WDR59: variants seen among roughly 807,000 people sequenced by gnomAD.
The protein encoded by WDR59 is WD repeat domain 59.
WDR59 carries 100 observed loss-of-function variants against 131.2 expected under a neutral mutation model. The ratio of observed to expected loss-of-function variants is 0.76; its 90% CI spans 0.65 to 0.90. WDR59 has a LOEUF of 0.90. Ranked by LOEUF, WDR59 falls within the 40% of genes least tolerant of loss-of-function variation. The probability of loss-of-function intolerance (pLI) is 0.00; values close to 1 mark genes in which losing one functional copy is unlikely to be tolerated. For missense variants in WDR59, 1,203 were observed against 1,262.2 expected (o/e 0.95, Z 0.71); for synonymous variants, 601 against 466.2 (o/e 1.29, Z -3.72).
At chr16:74,963,701 G>C (rs371080190) in intron 2 of WDR59, among the ~76,000 whole-genome samples, 7 of 152,200 alleles carry the variant, frequency 4.6e-5, no homozygotes, top group Admixed American at 1.3e-4. Flanking sequence ...GTTTACCTAC[G>C]TAACAAACCG....
At chr16:74,874,487 T>C (rs1213035715) in intron 25 of WDR59, 43 bp from the exon 26 acceptor site, 7 of 1,581,520 alleles carry the variant, frequency 4.4e-6, no homozygotes, top group Non-Finnish European at 6.1e-6. Flanking sequence ...GCAGCATGAG[T>C]TTAGTTCTGA....
chr16:74,936,467 G>C (rs1000452231), intron 8 of WDR59, among the ~76,000 whole-genome samples: 1 of 152,110 alleles, frequency 6.6e-6, no homozygotes, highest in African/African-American at 2.4e-5. Context: ...GAAAGAGGTA[G>C]AGTTGAACTG....
intron 14 of WDR59, 40 bp from the exon 15 acceptor site, chr16:74,909,957 T>C: frequency 2.0e-6 from 3 of 1,497,610 alleles, no homozygotes; most frequent in Non-Finnish European, 2.7e-6. Flanking sequence ...GAGGAACACA[T>C]TTCTCTGATA....
At chr16:74,927,655 G>A (rs1283121268) in intron 8 of WDR59, among the ~76,000 whole-genome samples, 2 of 139,954 alleles carry the variant, frequency 1.4e-5, no homozygotes, top group African/African-American at 5.2e-5. Flanking sequence ...AAAAACTTCT[G>A]ATGTTTTAGA....
chr16:74,893,941 G>C (rs773647399), intron 18 of WDR59, 129 bp from the exon 19 acceptor site: 13 of 1,037,268 alleles, frequency 1.3e-5, no homozygotes, highest in Non-Finnish European at 1.5e-5. Flanking sequence ...CCACAATTAT[G>C]GGAATCAGCA....
chr16:74,883,590 C>G (rs574668104), intron 25 of WDR59, among the ~76,000 whole-genome samples: 132 of 152,250 alleles, frequency 8.7e-4, no homozygotes, highest in Non-Finnish European at 1.5e-3. Context: ...ATGTTTAGTC[C>G]ACTACATTTG....
rs377465490 is a variant in WDR59, at chr16:74,965,839, A to G, written c.55-17T>C. On this transcript the variant is annotated splice_polypyrimidine_tract_variant and intron_variant, in intron 1 of 25. Transcript: ENST00000262144. Reference sequence around the variant, plus strand: ...CGCAGTTGCCTGAGAGAGAGAACACAGAGTCAGTGCTGCCAGCAAACCCAG... The same window carrying G: ...CGCAGTTGCCTGAGAGAGAGAACACGGAGTCAGTGCTGCCAGCAAACCCAG... The G allele has an allele frequency of 1.1e-5, 17 of 1,613,998 alleles. No homozygotes were observed. The highest frequency in any genetic ancestry group is 1.4e-5 in the Non-Finnish European group (17 of 1,180,026).
At chr16:74,889,039 C>T (rs1212160633) in intron 21 of WDR59, among the ~76,000 whole-genome samples, 1 of 152,164 alleles carries the variant, frequency 6.6e-6, no homozygotes, top group East Asian at 1.9e-4. Context: ...GTAGAGTAAA[C>T]CTTATCATCC....
rs116216820 is a variant in WDR59 at position 74,886,551 on chromosome 16, C to A, written c.2420-155G>T. 1.2e-5 allele frequency: 13 copies of A among 1,043,306 alleles called. No homozygotes were observed. The South Asian group carries it at 2.3e-4, about 19-fold the overall frequency. 64.6% of individuals were successfully genotyped at this position (1,043,306 alleles called of 1,614,324 possible). ...GAGAAATATAACTAAATAGAACTCT[C>A]TCCTACCCTTGCCTTTTTGCGCAGG... is the stretch of plus-strand genomic sequence containing the variant. On this transcript the variant is annotated intron_variant, in intron 23 of 25. Coordinates refer to ENST00000262144, the MANE Select transcript of WDR59 (RefSeq NM_030581.4).
intron 6 of WDR59, among the ~76,000 whole-genome samples, chr16:74,945,917 A>G (rs2032600829): frequency 6.6e-6 from 1 of 151,218 alleles, no homozygotes; most frequent in African/African-American, 2.4e-5. Flanking sequence ...TCCCAGGTTC[A>G]AGCAATTCTC....
At chr16:74,931,989 A>G (rs940744296) in intron 8 of WDR59, among the ~76,000 whole-genome samples, 2 of 151,926 alleles carry the variant, frequency 1.3e-5, no homozygotes, top group African/African-American at 4.8e-5. Flanking sequence ...ATCAACTTAA[A>G]TTATAATTTC....
At chr16:74,877,887 T>C (rs1369275819) in intron 25 of WDR59, among the ~76,000 whole-genome samples, 1 of 152,250 alleles carries the variant, frequency 6.6e-6, no homozygotes, top group Non-Finnish European at 1.5e-5. Flanking sequence ...ACCAAGTATG[T>C]TGCAATGTCT....
At chr16:74,929,329 CCTCCCAAAGTGCTGGG>C (rs2031172194) in intron 8 of WDR59, among the ~76,000 whole-genome samples, 2 of 152,178 alleles carry the variant, frequency 1.3e-5, no homozygotes, top group African/African-American at 4.8e-5. Flanking sequence ...CCTGCCTCGG[CCTCCCAAAGTGCTGGG>C]ATTATAGGCG....
chr16:74,934,485 T>C (rs1051305016), intron 8 of WDR59, among the ~76,000 whole-genome samples: 1 of 152,136 alleles, frequency 6.6e-6, no homozygotes, highest in African/African-American at 2.4e-5. Context: ...TATAAAACGA[T>C]TATATGTCAT....
chr16:74,925,683 T>C (rs1157501729), intron 8 of WDR59, among the ~76,000 whole-genome samples: 1 of 152,162 alleles, frequency 6.6e-6, no homozygotes, highest in Non-Finnish European at 1.5e-5. Context: ...GTCATGGAAC[T>C]GTTTGATACC....
rs1225492400 is a variant in WDR59, at chr16:74,887,718, GACAT to G, written c.2380_2383del (p.Met794GlnfsTer12). The G allele has an allele frequency of 6.2e-7, 1 of 1,614,010 alleles. No individual in the cohort carries two copies. The highest frequency in any genetic ancestry group is 1.7e-5 in the Admixed American group (1 of 59,996). On this transcript the variant is annotated frameshift_variant, in exon 23 of 26. Coordinates refer to ENST00000262144, the MANE Select transcript of WDR59 (RefSeq NM_030581.4). LOFTEE classifies it high-confidence loss of function. ...GCCGCCAGTGTTGAGCCCTGGGTCT[GACAT>G]ACTGGAGCAGGAACCAGAAGAGGTA...
At chr16:74,914,185 C>A (rs1342246651) in intron 13 of WDR59, among the ~76,000 whole-genome samples, 3 of 152,060 alleles carry the variant, frequency 2.0e-5, no homozygotes, top group Non-Finnish European at 4.4e-5. Flanking sequence ...GCACTCCAGT[C>A]TGAGCGGACA....
At chr16:74,919,573 C>A (rs2029964691) in intron 10 of WDR59, among the ~76,000 whole-genome samples, 1 of 151,830 alleles carries the variant, frequency 6.6e-6, no homozygotes, top group South Asian at 2.1e-4. Context: ...AAACTCCTGG[C>A]CTCAAGTGAT....
In WDR59 at chr16:74,885,750, T is replaced by C; in HGVS notation, c.2592A>G (p.Lys864=). Residue 864 remains lysine (K), a synonymous_variant, in exon 25 of 26, where the codon AAA becomes AAG. Coordinates refer to ENST00000262144, the MANE Select transcript of WDR59 (RefSeq NM_030581.4). ...ANTQQFDDFK[K]CYGEILYRWG... ...AACGGTAGAGGATTTCCCCATAGCA[T>C]TTCTTAAAGTCATCAAATTGCTGGG... 6.2e-7 allele frequency: 1 copy of C among 1,614,144 alleles called. No individual in the cohort carries two copies. The highest frequency in any genetic ancestry group is 8.5e-7 in the Non-Finnish European group (1 of 1,180,016).
Sources: gnomAD v4.1 joint callset for allele counts (sites outside exome capture counted in the v4.1 genomes callset) on GRCh38, gnomAD v4.1.1 for gene constraint, MANE v1.5 for transcripts, NCBI Gene and HGNC (gene_info 2026-07-23, HGNC 2026-07-21) for gene names.